LARGE1: variants seen among roughly 807,000 people sequenced by gnomAD.
LARGE1 encodes the protein LARGE xylosyl- and glucuronyltransferase 1.
LARGE1 carries 43 observed loss-of-function variants against 87.6 expected under a neutral mutation model. The ratio of observed to expected loss-of-function variants is 0.49; its 90% CI spans 0.38 to 0.63. The LOEUF (loss-of-function observed/expected upper bound fraction) is 0.63, where lower values mean the gene tolerates loss of function less well. Among genes scored for constraint, LARGE1 ranks in the 30% least tolerant of loss-of-function variants. The pLI is 0.00. For synonymous variants in LARGE1, 434 were observed against 394.6 expected, an observed-to-expected ratio of 1.10 and a Z score of -1.18; for missense variants, 802 against 1,000.2, an observed-to-expected ratio of 0.80 and a Z score of 2.67.
intron 2 of LARGE1, among the ~76,000 whole-genome samples, chr22:33,681,232 T>C (rs572020319): frequency 2.6e-5 from 4 of 152,330 alleles, no homozygotes; most frequent in Non-Finnish European, 5.9e-5. Context: ...AATATTAAAT[T>C]TTAACAAGTT....
intron 2 of LARGE1, among the ~76,000 whole-genome samples, chr22:33,688,430 C>A (rs987551715): frequency 6.6e-6 from 1 of 152,164 alleles, no homozygotes; most frequent in African/African-American, 2.4e-5. Context: ...CGGCTCACTG[C>A]AACCTCTGCC....
At chr22:33,822,823 C>T (rs2062678881) in intron 1 of LARGE1, among the ~76,000 whole-genome samples, 1 of 152,186 alleles carries the variant, frequency 6.6e-6, no homozygotes, top group African/African-American at 2.4e-5. Context: ...TAGGAATGAT[C>T]TTCCTCAGCG....
At chr22:33,067,298 C>T in the LARGE1 span, among the ~76,000 whole-genome samples, 1 of 151,996 alleles carries the variant, frequency 6.6e-6, no homozygotes, top group Non-Finnish European at 1.5e-5. Context: ...TGAAAGAATA[C>T]ATTCTTATGA....
At chr22:33,319,079 C>T (rs982899207) in intron 10 of LARGE1, among the ~76,000 whole-genome samples, 34 of 152,246 alleles carry the variant, frequency 2.2e-4, no homozygotes, top group African/African-American at 7.7e-4. Flanking sequence ...TGCTCCAATT[C>T]CTTCTCTCTC....
chr22:33,146,815 C>T, the LARGE1 span, among the ~76,000 whole-genome samples: 1 of 152,070 alleles, frequency 6.6e-6, no homozygotes, highest in African/African-American at 2.4e-5. Flanking sequence ...TTTACTTACA[C>T]ATACAAGCAT....
At chr22:33,626,102 C>G (rs1250418344) in intron 4 of LARGE1, 142 bp downstream of exon 4, 1 of 724,460 alleles carries the variant, frequency 1.4e-6, no homozygotes, top group Non-Finnish European at 2.5e-6. Flanking sequence ...ATCATCTCCT[C>G]AGGGTTTCAG....
At chr22:33,343,826 T>C (rs551972943) in intron 9 of LARGE1, among the ~76,000 whole-genome samples, 4 of 152,308 alleles carry the variant, frequency 2.6e-5, no homozygotes, top group Admixed American at 2.0e-4. Context: ...GTCAGGGTTC[T>C]CTAGAGGGAC....
At chr22:33,884,251 G>A (rs771090251) in intron 1 of LARGE1, among the ~76,000 whole-genome samples, 1 of 152,202 alleles carries the variant, frequency 6.6e-6, no homozygotes, top group Non-Finnish European at 1.5e-5. Flanking sequence ...TACTGCAGCT[G>A]TCCGTCCACA....
chr22:33,813,705 T>G (rs1331418598), intron 1 of LARGE1, among the ~76,000 whole-genome samples: 1 of 152,186 alleles, frequency 6.6e-6, no homozygotes. Context: ...ATCTTCACAG[T>G]GAAGACAGGA....
At chr22:33,417,085 T>C (rs2066526962) in intron 7 of LARGE1, among the ~76,000 whole-genome samples, 1 of 151,886 alleles carries the variant, frequency 6.6e-6, no homozygotes, top group Non-Finnish European at 1.5e-5. Flanking sequence ...TTTTGTATTT[T>C]TACTAGAGAT....
intron 6 of LARGE1, among the ~76,000 whole-genome samples, chr22:33,454,047 C>T (rs1342515040): frequency 6.6e-6 from 1 of 152,168 alleles, no homozygotes; most frequent in Admixed American, 6.5e-5. Context: ...CAATTCCTTG[C>T]CACATGGAAA....
At chr22:33,476,050 A>G (rs1188188505) in intron 6 of LARGE1, among the ~76,000 whole-genome samples, 2 of 152,252 alleles carry the variant, frequency 1.3e-5, no homozygotes, top group Non-Finnish European at 2.9e-5. Context: ...AAGAAAAAAC[A>G]AAAGCTACGT....
At chr22:33,425,449 A>T (rs2066844014) in intron 7 of LARGE1, among the ~76,000 whole-genome samples, 2 of 152,198 alleles carry the variant, frequency 1.3e-5, no homozygotes, top group Admixed American at 1.3e-4. Context: ...AAATGTTTGT[A>T]GTTAAGCCAC....
At chr22:33,347,272 T>C (rs771402084) in intron 9 of LARGE1, among the ~76,000 whole-genome samples, 2 of 152,252 alleles carry the variant, frequency 1.3e-5, no homozygotes, top group Non-Finnish European at 2.9e-5. Context: ...TTTATTTACA[T>C]GCCTGCACCT....
At chr22:33,545,362 G>C (rs5754602) in intron 6 of LARGE1, among the ~76,000 whole-genome samples, 1 of 149,058 alleles carries the variant, frequency 6.7e-6, no homozygotes, top group African/African-American at 2.5e-5. Flanking sequence ...AGCCTCCTGT[G>C]TTCAACTCAG....
intron 3 of LARGE1, among the ~76,000 whole-genome samples, chr22:33,637,651 G>A (rs767150498): frequency 6.6e-6 from 1 of 152,170 alleles, no homozygotes; most frequent in Non-Finnish European, 1.5e-5. Flanking sequence ...GATATGTTAT[G>A]AGAACACTTG....
the LARGE1 span, among the ~76,000 whole-genome samples, chr22:33,078,169 C>A: frequency 6.6e-6 from 1 of 152,156 alleles, no homozygotes; most frequent in Non-Finnish European, 1.5e-5. Flanking sequence ...ATGCTGAGTG[C>A]TTTTGCTGAT....
intron 1 of LARGE1, among the ~76,000 whole-genome samples, chr22:33,785,109 ACAT>A (rs981673585): frequency 1.6e-5 from 1 of 64,294 alleles, no homozygotes; most frequent in East Asian, 4.5e-4. Context: ...GTGTATACAT[ACAT>A]ATGTGTATAT....
At chr22:33,725,321 G>A (rs868596386) in intron 2 of LARGE1, among the ~76,000 whole-genome samples, 3 of 152,210 alleles carry the variant, frequency 2.0e-5, no homozygotes, top group African/African-American at 4.8e-5. Flanking sequence ...GTGGTGACCT[G>A]CCCATTGGCC....
Sources: allele counts gnomAD v4.1 joint callset (sites outside exome capture counted in the v4.1 genomes callset), GRCh38; gene constraint gnomAD v4.1.1; transcripts MANE v1.5; gene names NCBI Gene and HGNC (gene_info 2026-07-23, HGNC 2026-07-21).